PIAS2: variants seen among roughly 807,000 people sequenced by gnomAD.
The protein encoded by PIAS2 is protein inhibitor of activated STAT 2.
In PIAS2, 19 loss-of-function variants were observed where a neutral mutation model predicts 69.7. That is an observed-to-expected ratio of 0.27 (90% CI 0.19 to 0.40). The LOEUF is 0.40. Among genes scored for constraint, PIAS2 ranks in the 10% least tolerant of loss-of-function variants. PIAS2 has a pLI of 1.00. For missense variants in PIAS2, 624 were observed against 757.0 expected (o/e 0.82, Z 2.06); for synonymous variants, 261 against 263.2 (o/e 0.99, Z 0.08).
chr18:46,874,936 A>G (rs141097874), intron 2 of PIAS2, among the ~76,000 whole-genome samples: 4 of 152,264 alleles, frequency 2.6e-5, no homozygotes, highest in African/African-American at 9.6e-5. Flanking sequence ...CTGCACGGCC[A>G]AAAGGGGATG....
intron 12 of PIAS2, chr18:46,817,294 C>T: frequency 1.0e-6 from 1 of 984,700 alleles, no homozygotes; most frequent in Non-Finnish European, 1.2e-6. Context: ...AGCCAAGCCA[C>T]TCAAAAATGC....
intron 9 of PIAS2, among the ~76,000 whole-genome samples, chr18:46,834,737 T>C (rs1353086292): frequency 6.6e-6 from 1 of 152,142 alleles, no homozygotes; most frequent in Non-Finnish European, 1.5e-5. Context: ...GCCTTGGCCT[T>C]CCAAAGTGCT....
intron 1 of PIAS2, chr18:46,915,257 T>C (rs2057690927): frequency 6.6e-6 from 1 of 152,170 alleles, no homozygotes; most frequent in African/African-American, 2.4e-5. Context: ...GAAAAAATGC[T>C]TAGACCAGAA....
Position 46,890,858 on chromosome 18 carries a change from T to C in PIAS2, c.221A>G (p.Asp74Gly). The C allele has an allele frequency of 6.2e-7, 1 of 1,614,108 alleles. No homozygotes were observed. Among genetic ancestry groups the C allele is most frequent in the Non-Finnish European group, 8.5e-7 (1 of 1,180,034 alleles). The change falls in exon 2 of 14, where the codon GAT becomes GGT. Residue 74 changes from aspartate (D) to glycine (G), a missense_variant. Asp to Gly is a moderately conservative substitution (Grantham distance 94, BLOSUM62 -1). Coordinates refer to ENST00000585916, the MANE Select transcript of PIAS2 (RefSeq NM_004671.5). Reference protein sequence around the residue: ...RYPRTLEGLSDLSTIKSSVFS... With the variant: ...RYPRTLEGLSGLSTIKSSVFS... ...AACCGATGATTTGATTGTGGATAAA[T>C]CAGAAAGTCCTTCAAGAGTTCGTGG... is the stretch of plus-strand genomic sequence containing the variant.
chr18:46,905,365 G>C (rs2056462149), intron 1 of PIAS2, among the ~76,000 whole-genome samples: 1 of 152,070 alleles, frequency 6.6e-6, no homozygotes, highest in Non-Finnish European at 1.5e-5. Context: ...GCAATACGCA[G>C]ACATTTTATG....
intron 5 of PIAS2, chr18:46,852,592 A>C (rs1161431854): frequency 6.6e-6 from 1 of 152,240 alleles, no homozygotes; most frequent in African/African-American, 2.4e-5. Context: ...GCAGTAACTA[A>C]GTAACAATGC....
At chr18:46,896,837 A>T (rs569281186) in intron 1 of PIAS2, among the ~76,000 whole-genome samples, 1 of 152,368 alleles carries the variant, frequency 6.6e-6, no homozygotes, top group South Asian at 2.1e-4. Flanking sequence ...TAATCTACCA[A>T]TATAAGAATG....
intron 2 of PIAS2, among the ~76,000 whole-genome samples, chr18:46,883,894 C>A (rs2052699450): frequency 6.6e-6 from 1 of 152,100 alleles, no homozygotes; most frequent in Non-Finnish European, 1.5e-5. Context: ...TGGGTCCCAG[C>A]AACTTGGAAG....
intron 12 of PIAS2, 99 bp from the exon 13 acceptor site, chr18:46,815,448 T>G (rs1051790788): frequency 1.3e-6 from 2 of 1,584,956 alleles, no homozygotes; most frequent in Non-Finnish European, 1.7e-6. Flanking sequence ...ACATTTGTGG[T>G]AAGTGCTTAC....
At chr18:46,855,962 T>G (rs2047680519) in intron 3 of PIAS2, among the ~76,000 whole-genome samples, 1 of 151,648 alleles carries the variant, frequency 6.6e-6, no homozygotes, top group African/African-American at 2.4e-5. Flanking sequence ...GCTTAGAGCA[T>G]TCTAATCACT....
Position 46,809,397 on chromosome 18 carries a change from T to G in PIAS2, c.*3036A>C, listed in dbSNP as rs1017456140. On this transcript the variant is annotated 3_prime_UTR_variant, in exon 14 of 14. Transcript: ENST00000585916. ...GCACGAAACTATTTTCAGCACCAAT[T>G]ACACTGTGGGGGGTTACCAGAACAA... The G allele has an allele frequency of 2.0e-5, 3 of 152,182 alleles. No individual in the cohort carries two copies. The highest frequency in any genetic ancestry group is 7.2e-5 in the African/African-American group (3 of 41,434). 9.4% of individuals were successfully genotyped at this position (152,182 alleles called of 1,614,324 possible).
chr18:46,855,997 G>GTTTTTTTTTTT (rs1171297653), intron 3 of PIAS2, among the ~76,000 whole-genome samples: 4 of 67,964 alleles, frequency 5.9e-5, no homozygotes, highest in Admixed American at 2.1e-4. Flanking sequence ...TTTTTCTTTT[G>GTTTTTTTTTTT]TTTTTTTTTT....
At chr18:46,827,864 C>G in intron 11 of PIAS2, 95 bp downstream of exon 11, 3 of 1,086,344 alleles carry the variant, frequency 2.8e-6, no homozygotes, top group Non-Finnish European at 4.0e-6. Context: ...TAGCCTTCTA[C>G]AGTTATGCCA....
chr18:46,874,429 C>T (rs908490100), intron 2 of PIAS2, among the ~76,000 whole-genome samples: 1 of 152,146 alleles, frequency 6.6e-6, no homozygotes, highest in Non-Finnish European at 1.5e-5. Flanking sequence ...CACTTCGCTG[C>T]ACGTCATTAA....
At position 46,812,314 on chromosome 18, in the gene PIAS2, T is replaced by G; in HGVS notation, c.*119A>C. The G allele has an allele frequency of 3.2e-6, 2 of 619,136 alleles. No individual in the cohort carries two copies. Among genetic ancestry groups the G allele is most frequent in the Non-Finnish European group, 5.5e-6 (2 of 362,832 alleles). The allele number at this position is 619,136 out of a possible 1,614,324, so 38.4% of individuals were successfully genotyped here. On this transcript the variant is annotated 3_prime_UTR_variant, in exon 14 of 14. Coordinates refer to ENST00000585916, the MANE Select transcript of PIAS2 (RefSeq NM_004671.5). Reference sequence around the variant, plus strand: ...ACCCCTCAGAAAGCAAAAGAATCCATCTGACTTTCAATAAATACCAAATTA... The same window carrying G: ...ACCCCTCAGAAAGCAAAAGAATCCAGCTGACTTTCAATAAATACCAAATTA...
Position 46,807,383 on chromosome 18 carries a change from A to ATATATATATATATTTTTT in PIAS2, c.*5049_*5050insAAAAAATATATATATATA, listed in dbSNP as rs869149927. The ATATATATATATATTTTTT allele has an allele frequency of 8.6e-5, 1 of 11,600 alleles. No individual in the cohort carries two copies. The highest frequency in any genetic ancestry group is 5.4e-4 in the African/African-American group (1 of 1,846). The allele number at this position is 11,600 out of a possible 1,614,324, so 0.7% of individuals were successfully genotyped here. A position where few individuals can be genotyped will look rare whatever the true frequency, so the allele number is the denominator to read the frequency against. On this transcript the variant is annotated 3_prime_UTR_variant, in exon 14 of 14. Coordinates refer to ENST00000585916, the MANE Select transcript of PIAS2 (RefSeq NM_004671.5). ...TATATATATATATATATATATATAT[A>ATATATATATATATTTTTT]TTTTTTTTTTTTTTTTTTTTTTTTT...
chr18:46,884,939 T>G (rs2052910664), intron 2 of PIAS2, among the ~76,000 whole-genome samples: 1 of 151,620 alleles, frequency 6.6e-6, no homozygotes, highest in Non-Finnish European at 1.5e-5. Flanking sequence ...CTTAAAAAAT[T>G]GAAGAGGAAA....
chr18:46,881,992 G>A (rs1196007848), intron 2 of PIAS2, among the ~76,000 whole-genome samples: 2 of 152,026 alleles, frequency 1.3e-5, no homozygotes, highest in Non-Finnish European at 2.9e-5. Context: ...AGCTACTCGG[G>A]AGGCTGAGGC....
chr18:46,891,066 GA>G lies in PIAS2; in HGVS notation c.25-13del, dbSNP rs751956832. 3.7e-5 allele frequency: 55 copies of G among 1,485,842 alleles called. 1 individual carries two copies. In the South Asian group the frequency reaches 4.7e-4, roughly 13 times the overall value. 92.0% of individuals were successfully genotyped at this position (1,485,842 alleles called of 1,614,324 possible). A position where few individuals can be genotyped will look rare whatever the true frequency, so the allele number is the denominator to read the frequency against. On this transcript the variant is annotated splice_polypyrimidine_tract_variant and intron_variant, in intron 1 of 13. Coordinates refer to ENST00000585916, the MANE Select transcript of PIAS2 (RefSeq NM_004671.5). The stretch of plus-strand genomic sequence containing the variant: ...CTAGAAACCATATTCTAAAAGGAAA[GA>G]AAAAAAAACATAAGCCAAGTCACCC...
Sources: gnomAD v4.1 joint callset for allele counts (sites outside exome capture counted in the v4.1 genomes callset) on GRCh38, gnomAD v4.1.1 for gene constraint, MANE v1.5 for transcripts, NCBI Gene and HGNC (gene_info 2026-07-23, HGNC 2026-07-21) for gene names.